Variants in OPCML observed in about 807,000 individuals in gnomAD.
OPCML encodes opioid binding protein/cell adhesion molecule like.
Under a neutral mutation model 37.8 loss-of-function variants are expected in OPCML, and 13 were observed. The observed-to-expected ratio is 0.34, with a 90% CI of 0.22 to 0.55. The LOEUF (loss-of-function observed/expected upper bound fraction) is 0.55. Ranked by LOEUF, OPCML falls within the 20% of genes least tolerant of loss-of-function variation. OPCML has a pLI of 0.91. For missense variants in OPCML, 341 were observed against 435.6 expected (o/e 0.78, Z 1.93); for synonymous variants, 176 against 168.8 (o/e 1.04, Z -0.33).
rs1031057362 is a variant in OPCML at position 133,174,356 on chromosome 11, G to C, written c.62-231346C>G. ...AGGTCAGATGAAATGGCCATTTCTAGTTTCTCAAAAGCCCCATTCCCTGTG... is the reference window on the plus strand; with the variant it reads ...AGGTCAGATGAAATGGCCATTTCTACTTTCTCAAAAGCCCCATTCCCTGTG... On this transcript the variant is annotated intron_variant, in intron 1 of 7. Transcript: ENST00000524381. This position sits in a 1 kb window ranked among gnomAD's most constrained non-coding sequence, Gnocchi z 4.6. Among the ~76,000 whole-genome samples the C allele has an allele frequency of 3.9e-5, 6 of 152,138 alleles. No individual in the cohort carries two copies. The highest frequency in any genetic ancestry group is 6.5e-5 in the Admixed American group (1 of 15,276).
intron 4 of OPCML, among the ~76,000 whole-genome samples, chr11:132,511,500 C>G (rs967905876): frequency 5.9e-5 from 9 of 152,006 alleles, no homozygotes; most frequent in Admixed American, 1.3e-4. Context: ...TCTACATTGT[C>G]TGATTTCAAA....
At chr11:133,401,089 C>T (rs1031119570) in intron 1 of OPCML, among the ~76,000 whole-genome samples, 1 of 152,242 alleles carries the variant, frequency 6.6e-6, no homozygotes, top group African/African-American at 2.4e-5. Context: ...AGAAAAGTCA[C>T]TGAAAAATAA....
chr11:132,956,466 G>A (rs1269683918), intron 1 of OPCML, among the ~76,000 whole-genome samples: 3 of 152,140 alleles, frequency 2.0e-5, no homozygotes, highest in Admixed American at 6.5e-5. Context: ...CACACTCTCA[G>A]GGTCTCTCAT....
intron 2 of OPCML, among the ~76,000 whole-genome samples, chr11:132,722,324 T>G (rs1944704252): frequency 6.6e-6 from 1 of 152,080 alleles, no homozygotes; most frequent in South Asian, 2.1e-4. Flanking sequence ...ATAAAGTTGT[T>G]TTTTAGAGGG....
intron 4 of OPCML, among the ~76,000 whole-genome samples, chr11:132,453,390 A>G (rs1418724985): frequency 6.6e-6 from 1 of 152,178 alleles, no homozygotes; most frequent in Non-Finnish European, 1.5e-5. Context: ...GACATCTCCC[A>G]CTAGAGAGAA....
At chr11:132,699,335 CTT>C (rs1007290837) in intron 2 of OPCML, among the ~76,000 whole-genome samples, 16 of 152,114 alleles carry the variant, frequency 1.1e-4, no homozygotes, top group African/African-American at 2.6e-4. Flanking sequence ...ATTTGAAACT[CTT>C]TTATTTCTTT....
At chr11:132,935,885 C>T (rs1025232439) in intron 2 of OPCML, among the ~76,000 whole-genome samples, 3 of 152,318 alleles carry the variant, frequency 2.0e-5, no homozygotes, top group Admixed American at 1.3e-4. Flanking sequence ...AAGTGACCGG[C>T]TCACGTTGTC....
intron 1 of OPCML, among the ~76,000 whole-genome samples, chr11:132,974,217 A>G (rs1946407428): frequency 6.6e-6 from 1 of 152,160 alleles, no homozygotes; most frequent in Non-Finnish European, 1.5e-5. Context: ...AACTAAATTA[A>G]CTTTTTAACT....
At chr11:133,154,214 C>A (rs1950025280) in intron 1 of OPCML, among the ~76,000 whole-genome samples, 1 of 116,344 alleles carries the variant, frequency 8.6e-6, no homozygotes, top group African/African-American at 4.4e-5. Flanking sequence ...GCTCATGCTT[C>A]TGATTAAAAA....
At position 132,596,624 on chromosome 11, in the gene OPCML, C is replaced by T. The variant is rs184983185; in HGVS notation, c.379+60463G>A. Among the ~76,000 whole-genome samples the T allele has an allele frequency of 2.1e-3, 324 of 152,228 alleles. 1 individual carries two copies. Among genetic ancestry groups the T allele is most frequent in the Non-Finnish European group, 3.1e-3 (208 of 68,008 alleles). ...GTGAAACAGTTTGTAGACAACAGAT[C>T]TAGGAGGTGGGGAGGACAGTCTTTT... On this transcript the variant is annotated intron_variant, in intron 3 of 7. Coordinates refer to ENST00000524381, the MANE Select transcript of OPCML (RefSeq NM_001012393.5).
At position 133,141,030 on chromosome 11, in the gene OPCML, C is replaced by CGAA. The variant is rs1272996022; in HGVS notation, c.62-198021_62-198020insTTC. ...ACGACGACGACGACGACGACGACGA[C>CGAA]GACGACGACGACGACGACGAAGAAG... On this transcript the variant is annotated intron_variant, in intron 1 of 7. Transcript: ENST00000524381. 7.0e-3 allele frequency among the ~76,000 whole-genome samples: 51 copies of CGAA among 7,316 alleles called. 12 individuals are homozygous for CGAA. The highest frequency in any genetic ancestry group is 9.3e-3 in the African/African-American group (38 of 4,102). 4.8% of individuals were successfully genotyped at this position (7,316 alleles called of 152,430 possible). A position where few individuals can be genotyped will look rare whatever the true frequency, so the allele number is the denominator to read the frequency against.
chr11:133,037,907 C>A lies in OPCML; in HGVS notation c.62-94897G>T, dbSNP rs77092388. Among the ~76,000 whole-genome samples, 386 of 152,354 alleles carry A rather than the reference C, an allele frequency of 2.5e-3. 3 individuals are homozygous for A. The highest frequency in any genetic ancestry group is 8.8e-3 in the African/African-American group (367 of 41,584). On this transcript the variant is annotated intron_variant, in intron 1 of 7. Transcript: ENST00000524381. ...CTGAGCGTCTCTCACACTCTTGCCC[C>A]TTCTGGCTGTTTGGAGCCAAGTCCT...
intron 1 of OPCML, among the ~76,000 whole-genome samples, chr11:133,195,710 T>C (rs1050883388): frequency 6.6e-6 from 1 of 152,232 alleles, no homozygotes; most frequent in African/African-American, 2.4e-5. Flanking sequence ...AATTGCCTGC[T>C]TATGCCTCTT....
At chr11:132,731,394 A>G (rs1197258491) in intron 2 of OPCML, among the ~76,000 whole-genome samples, 1 of 152,204 alleles carries the variant, frequency 6.6e-6, no homozygotes, top group Non-Finnish European at 1.5e-5. Flanking sequence ...ACCTTAGTCT[A>G]AAGAGTTATA....
At chr11:132,941,112 C>A (rs1460684712) in intron 2 of OPCML, among the ~76,000 whole-genome samples, 3 of 152,076 alleles carry the variant, frequency 2.0e-5, no homozygotes, top group Non-Finnish European at 4.4e-5. Flanking sequence ...CAAAAAGCAA[C>A]TATTCAGCTT....
intron 3 of OPCML, among the ~76,000 whole-genome samples, chr11:132,617,655 G>T (rs1489992803): frequency 6.6e-6 from 1 of 152,208 alleles, no homozygotes; most frequent in Non-Finnish European, 1.5e-5. Context: ...TTGTAGCCCT[G>T]GGGGCTGGGA....
At chr11:132,515,654 G>C (rs1285695879) in intron 4 of OPCML, among the ~76,000 whole-genome samples, 4 of 152,170 alleles carry the variant, frequency 2.6e-5, no homozygotes, top group African/African-American at 9.7e-5. Context: ...AATCCTCTAA[G>C]CAATGTTAGT....
intron 1 of OPCML, among the ~76,000 whole-genome samples, chr11:133,032,018 T>C (rs1302072377): frequency 6.6e-6 from 1 of 152,212 alleles, no homozygotes; most frequent in Admixed American, 6.5e-5. Context: ...TGGAGCTAAA[T>C]GAGATTACAC....
At chr11:133,194,028 C>T (rs190700890) in intron 1 of OPCML, among the ~76,000 whole-genome samples, 133 of 152,196 alleles carry the variant, frequency 8.7e-4, no homozygotes, top group African/African-American at 3.0e-3. Flanking sequence ...AGGCTCTGTC[C>T]TAGATATAAA....
Sources: gnomAD v4.1 joint callset for allele counts (sites outside exome capture counted in the v4.1 genomes callset) on GRCh38, gnomAD v4.1.1 for gene constraint, Gnocchi (gnomAD v3.1) non-coding constraint, MANE v1.5 for transcripts, NCBI Gene and HGNC (gene_info 2026-07-23, HGNC 2026-07-21) for gene names.